Variants in NBAS observed in about 807,000 individuals in gnomAD.
The protein encoded by NBAS is NBAS subunit of NRZ tethering complex.
Under a neutral mutation model 302.5 loss-of-function variants are expected in NBAS, and 219 were observed. The observed-to-expected ratio is 0.72, with a 90% confidence interval of 0.65 to 0.81. The LOEUF (loss-of-function observed/expected upper bound fraction) is 0.81. NBAS is among the 30% of genes least tolerant of loss of function. The pLI, the probability that NBAS is intolerant of heterozygous loss-of-function variation, is 0.00. For synonymous variants in NBAS, 1,118 were observed against 1,021.6 expected (o/e 1.09, Z -1.80); for missense variants, 2,932 against 2,841.6 (o/e 1.03, Z -0.72).
At chr2:14,906,126 T>TAG in the NBAS span, among the ~76,000 whole-genome samples, 1 of 151,834 alleles carries the variant, frequency 6.6e-6, no homozygotes, top group South Asian at 2.1e-4. Context: ...AGTAGTAGTA[T>TAG]TAGTAGTAGT....
intron 35 of NBAS, among the ~76,000 whole-genome samples, chr2:15,342,216 C>A (rs1672887933): frequency 6.6e-6 from 1 of 151,876 alleles, no homozygotes; most frequent in African/African-American, 2.4e-5. Context: ...GCAGTTTAGT[C>A]TAAAATAGAG....
chr2:14,885,885 TA>T, the NBAS span, among the ~76,000 whole-genome samples: 3 of 152,116 alleles, frequency 2.0e-5, no homozygotes, highest in African/African-American at 7.2e-5. Context: ...GTGGTAATCC[TA>T]AAAAAACAGT....
chr2:15,129,832 G>A, the NBAS span, among the ~76,000 whole-genome samples: 3 of 152,222 alleles, frequency 2.0e-5, no homozygotes, highest in East Asian at 5.8e-4. Context: ...ATTGCTTCAC[G>A]CACGGAGACC....
At chr2:15,442,756 C>G (rs1482450838) in intron 21 of NBAS, among the ~76,000 whole-genome samples, 1 of 151,428 alleles carries the variant, frequency 6.6e-6, no homozygotes, top group African/African-American at 2.4e-5. Context: ...AGACCACTAG[C>G]AAGACTAATA....
chr2:15,302,682 C>T (rs1199794681), intron 40 of NBAS, among the ~76,000 whole-genome samples: 1 of 152,126 alleles, frequency 6.6e-6, no homozygotes, highest in African/African-American at 2.4e-5. Context: ...TAAGTATCAA[C>T]TTGATTGGAT....
chr2:15,539,126 T>C, intron 7 of NBAS, 97 bp downstream of exon 7: 1 of 1,506,694 alleles, frequency 6.6e-7, no homozygotes, highest in Non-Finnish European at 9.2e-7. Flanking sequence ...TTCTGATTTA[T>C]ATTTGTATTA....
the NBAS span, among the ~76,000 whole-genome samples, chr2:14,900,860 G>A: frequency 3.9e-5 from 6 of 152,172 alleles, no homozygotes; most frequent in African/African-American, 7.2e-5. Context: ...GTGAAAGGAG[G>A]TGACACTGGA....
the NBAS span, among the ~76,000 whole-genome samples, chr2:14,870,477 T>A: frequency 1.3e-5 from 2 of 152,158 alleles, no homozygotes; most frequent in Non-Finnish European, 2.9e-5. Flanking sequence ...GGAGAAGCCA[T>A]CTAACATAGG....
chr2:15,327,094 T>A (rs906583789), intron 38 of NBAS, among the ~76,000 whole-genome samples: 4 of 152,122 alleles, frequency 2.6e-5, no homozygotes, highest in South Asian at 2.1e-4. Context: ...AAGCTGTGGA[T>A]AGGACTTTCA....
intron 19 of NBAS, among the ~76,000 whole-genome samples, chr2:15,462,411 A>G (rs13410044): frequency 0.62 from 94,866 of 151,926 alleles, 30,387 homozygotes; most frequent in Middle Eastern, 0.68. Flanking sequence ...AAGACAATGA[A>G]AAGTTAGCCA....
At chr2:14,783,756 T>C in the NBAS span, among the ~76,000 whole-genome samples, 314 of 152,224 alleles carry the variant, frequency 2.1e-3, 1 homozygote, top group Non-Finnish European at 3.7e-3. Flanking sequence ...GTCTTTGCTA[T>C]TGTGAATAGT....
At chr2:15,044,117 G>C in the NBAS span, among the ~76,000 whole-genome samples, 1 of 136,890 alleles carries the variant, frequency 7.3e-6, no homozygotes, top group African/African-American at 2.7e-5. Context: ...TGAACAGAGA[G>C]AAAACTTAAA....
the NBAS span, among the ~76,000 whole-genome samples, chr2:15,047,708 G>A: frequency 2.0e-5 from 3 of 152,044 alleles, no homozygotes; most frequent in African/African-American, 7.2e-5. Context: ...GGTAAAGGCT[G>A]GGCCCGTGCA....
the NBAS span, among the ~76,000 whole-genome samples, chr2:15,074,645 T>A: frequency 6.6e-6 from 1 of 151,890 alleles, no homozygotes. Context: ...TTCTATATAA[T>A]ATAACTATAA....
At chr2:15,065,295 T>C in the NBAS span, among the ~76,000 whole-genome samples, 2 of 152,090 alleles carry the variant, frequency 1.3e-5, no homozygotes, top group Non-Finnish European at 1.5e-5. Context: ...GTTAACATTA[T>C]ACTCACTGAT....
chr2:15,487,213 G>C (rs907848808), intron 12 of NBAS, among the ~76,000 whole-genome samples: 1 of 152,096 alleles, frequency 6.6e-6, no homozygotes, highest in Non-Finnish European at 1.5e-5. Flanking sequence ...CCTCTCAAAC[G>C]AAAACAGCTG....
chr2:15,153,509 T>C, the NBAS span, among the ~76,000 whole-genome samples: 1 of 152,196 alleles, frequency 6.6e-6, no homozygotes, highest in Non-Finnish European at 1.5e-5. Flanking sequence ...TCTCTGAGAG[T>C]GAGCTCCCCA....
At chr2:14,906,157 T>C in the NBAS span, among the ~76,000 whole-genome samples, 16 of 152,232 alleles carry the variant, frequency 1.1e-4, no homozygotes, top group East Asian at 3.1e-3. Context: ...ACAGTACTAA[T>C]AGTAGCAGCG....
chr2:15,116,416 AGAG>A, the NBAS span, among the ~76,000 whole-genome samples: 1 of 151,142 alleles, frequency 6.6e-6, no homozygotes, highest in African/African-American at 2.4e-5. Flanking sequence ...TGGCAGAGAG[AGAG>A]AGAGAGAGAG....
Sources: gnomAD v4.1 joint callset for allele counts (sites outside exome capture counted in the v4.1 genomes callset) on GRCh38, gnomAD v4.1.1 for gene constraint, MANE v1.5 for transcripts, NCBI Gene and HGNC (gene_info 2026-07-23, HGNC 2026-07-21) for gene names.